ITGA2: variants seen among roughly 807,000 people sequenced by gnomAD.
The protein encoded by ITGA2 is integrin alpha-2.
Under a neutral mutation model 146.3 loss-of-function variants are expected in ITGA2, and 101 were observed. The ratio of observed to expected loss-of-function variants is 0.69; its 90% confidence interval spans 0.59 to 0.81. The LOEUF (loss-of-function observed/expected upper bound fraction) is 0.81, where lower values mean the gene tolerates loss of function less well. Ranked by LOEUF, ITGA2 falls within the 40% of genes least tolerant of loss-of-function variation. ITGA2 has a pLI of 0.00. For synonymous variants in ITGA2, 477 were observed against 487.1 expected (o/e 0.98, Z 0.27); for missense variants, 1,281 against 1,402.7 (o/e 0.91, Z 1.39).
chr5:53,094,656 CATATCCAAGT>C lies in ITGA2; in HGVS notation c.*4061_*4070del, dbSNP rs1274883754. 1 of 152,150 alleles carries C rather than the reference CATATCCAAGT, an allele frequency of 6.6e-6. No individual in the cohort carries two copies. Among genetic ancestry groups the C allele is most frequent in the East Asian group, 1.9e-4 (1 of 5,204 alleles). The allele number at this position is 152,150 out of a possible 1,614,324, so 9.4% of individuals were successfully genotyped here. A position where few individuals can be genotyped will look rare whatever the true frequency, so the allele number is the denominator to read the frequency against. Reference sequence around the variant, plus strand: ...GTAGTCAACAGTTAGTAGTTTTTCTCATATCCAAGTATAACAAACAGAAAAGTTTCATTAT... The same window carrying C: ...GTAGTCAACAGTTAGTAGTTTTTCTCATAACAAACAGAAAAGTTTCATTAT... On this transcript the variant is annotated 3_prime_UTR_variant, in exon 30 of 30. Transcript: ENST00000296585.
At chr5:53,067,436 A>G (rs1032478670) in intron 16 of ITGA2, among the ~76,000 whole-genome samples, 179 bp downstream of exon 16, 1 of 151,868 alleles carries the variant, frequency 6.6e-6, no homozygotes, top group African/African-American at 2.4e-5. Flanking sequence ...ATTTGTTTAG[A>G]TCTTCCTTCC....
intron 2 of ITGA2, among the ~76,000 whole-genome samples, chr5:53,030,770 T>C (rs964202531): frequency 2.0e-5 from 3 of 152,270 alleles, no homozygotes; most frequent in Admixed American, 1.3e-4. Context: ...TTGAATAATA[T>C]AGAAGACATC....
Position 53,073,362 on chromosome 5 carries a change from A to G in ITGA2, c.2571+103A>G, listed in dbSNP as rs538613209. On this transcript the variant is annotated intron_variant, in intron 20 of 29. Coordinates refer to ENST00000296585, the MANE Select transcript of ITGA2 (RefSeq NM_002203.4). ...TGTTTAAAGAAGCACCTTAACCCTC[A>G]ACATGATCAATCTGAACTTTGTGGC... 93 of 1,244,384 alleles carry G rather than the reference A, an allele frequency of 7.5e-5. No homozygotes were observed. The African/African-American group carries it at 1.1e-3, about 15-fold the overall frequency. 77.1% of individuals were successfully genotyped at this position (1,244,384 alleles called of 1,614,324 possible).
At chr5:53,072,875 A>G (rs1302855412) in intron 19 of ITGA2, among the ~76,000 whole-genome samples, 180 bp downstream of exon 19, 3 of 151,866 alleles carry the variant, frequency 2.0e-5, no homozygotes, top group African/African-American at 7.2e-5. Context: ...TAAGAAATAT[A>G]AAATTATCTG....
At chr5:53,083,516 A>C (rs1390198062) in intron 27 of ITGA2, 63 bp downstream of exon 27, 1 of 1,010,946 alleles carries the variant, frequency 9.9e-7, no homozygotes, top group Non-Finnish European at 1.6e-6. Context: ...TGCACTGACA[A>C]GTTCTTCCCC....
chr5:53,039,285 A>T (rs947141838), intron 2 of ITGA2, among the ~76,000 whole-genome samples: 16 of 150,034 alleles, frequency 1.1e-4, no homozygotes, highest in East Asian at 3.9e-4. Context: ...CTCTACATTT[A>T]CTCCATAGTA....
Position 53,067,118 on chromosome 5 carries a change from G to T in ITGA2, c.1944G>T (p.Trp648Cys). ...IGAFGQVVQL[W>C]SQSIADVAIE... ...ATCTGTTACTCTTTATGTCTTTTAG[G>T]TCACAAAGTATTGCTGATGTAGCTA... The change falls in exon 16 of 30, where the codon TGG (tryptophan) becomes TGT (cysteine). Residue 648 changes from tryptophan (W) to cysteine (C), a missense_variant and splice_region_variant. Trp to Cys is a radical substitution (Grantham distance 215, BLOSUM62 -2). Transcript: ENST00000296585. The T allele has an allele frequency of 6.2e-7, 1 of 1,609,996 alleles. No homozygotes were observed. The highest frequency in any genetic ancestry group is 8.5e-7 in the Non-Finnish European group (1 of 1,178,212).
intron 24 of ITGA2, among the ~76,000 whole-genome samples, chr5:53,080,100 C>T (rs1745843989): frequency 6.6e-6 from 1 of 152,180 alleles, no homozygotes; most frequent in Admixed American, 6.5e-5. Flanking sequence ...AACACTCCGG[C>T]AGCCCAGCTC....
intron 1 of ITGA2, among the ~76,000 whole-genome samples, chr5:53,025,611 G>A (rs1206476370): frequency 2.0e-5 from 3 of 152,186 alleles, no homozygotes; most frequent in African/African-American, 7.2e-5. Context: ...CGCAATGGAA[G>A]AGCAAGCCTT....
chr5:53,038,710 C>T lies in ITGA2; in HGVS notation c.186-3402C>T, dbSNP rs74948770. On this transcript the variant is annotated intron_variant, in intron 2 of 29. Coordinates refer to ENST00000296585, the MANE Select transcript of ITGA2 (RefSeq NM_002203.4). ...AACCTGGGCTTCCGCACTTGGTTTT[C>T]ACTAGCCATGGGAACATGAGCAAGT... Among the ~76,000 whole-genome samples, 18 of 152,272 alleles carry T rather than the reference C, an allele frequency of 1.2e-4. No individual in the cohort carries two copies. The East Asian group carries it at 3.3e-3, about 28-fold the overall frequency.
chr5:53,070,051 T>C, intron 16 of ITGA2, 58 bp from the exon 17 acceptor site: 1 of 1,405,020 alleles, frequency 7.1e-7, no homozygotes, highest in South Asian at 1.2e-5. Flanking sequence ...AAAGCAAAGA[T>C]GCTTTTTCCT....
In ITGA2 at chr5:53,004,894, G is replaced by GTTTT. The variant is rs548541753; in HGVS notation, c.64+15398_64+15401dup. ...TACAACTTCTAAGTTTAGTTGCTTT[G>GTTTT]TTTTTTTTTTTTTTTTTTTTTTTTT... On this transcript the variant is annotated intron_variant, in intron 1 of 29. Transcript: ENST00000296585. Among the ~76,000 whole-genome samples, 25 of 55,940 alleles carry GTTTT rather than the reference G, an allele frequency of 4.5e-4. 1 individual carries two copies. The highest frequency in any genetic ancestry group is 8.3e-4 in the African/African-American group (9 of 10,804). The allele number at this position is 55,940 out of a possible 152,430, so 36.7% of individuals were successfully genotyped here.
intron 17 of ITGA2, 99 bp downstream of exon 17, chr5:53,070,359 C>T: frequency 8.8e-7 from 1 of 1,131,436 alleles, no homozygotes; most frequent in African/African-American, 1.5e-5. Context: ...AAAATGCTCA[C>T]CCTTCCAATG....
In ITGA2 at chr5:53,049,837, C is replaced by T. The variant is rs76300025; in HGVS notation, c.630+1067C>T. ...TTGCATCTTATACTCTAATGTCCAA[C>T]ATCTAATACAAATTGTTGACATATT... On this transcript the variant is annotated intron_variant, in intron 6 of 29. Transcript: ENST00000296585. 1.0e-3 allele frequency among the ~76,000 whole-genome samples: 153 copies of T among 151,102 alleles called. 4 individuals carry two copies. In the East Asian group the frequency reaches 0.025, roughly 24 times the overall value.
intron 23 of ITGA2, among the ~76,000 whole-genome samples, chr5:53,078,229 C>T (rs960006582): frequency 3.9e-5 from 6 of 152,080 alleles, no homozygotes; most frequent in Admixed American, 1.3e-4. Flanking sequence ...CAGATTTGAC[C>T]AACCTCATTC....
intron 1 of ITGA2, among the ~76,000 whole-genome samples, chr5:53,025,074 C>CA (rs2111807777): frequency 6.6e-6 from 1 of 152,266 alleles, no homozygotes; most frequent in Non-Finnish European, 1.5e-5. Flanking sequence ...GTTTTATGTA[C>CA]AGTCACGTGT....
chr5:53,066,016 T>C, intron 15 of ITGA2, 39 bp downstream of exon 15: 1 of 1,595,188 alleles, frequency 6.3e-7, no homozygotes, highest in Non-Finnish European at 8.6e-7. Context: ...AACTAAAAAT[T>C]ACCTGCTAAG....
intron 1 of ITGA2, among the ~76,000 whole-genome samples, chr5:53,023,523 T>C (rs1742786203): frequency 6.6e-6 from 1 of 152,208 alleles, no homozygotes; most frequent in African/African-American, 2.4e-5. Context: ...AAAATTACCA[T>C]AATGGAAATG....
At chr5:53,058,473 G>T (rs141016939) in intron 10 of ITGA2, among the ~76,000 whole-genome samples, 25 of 151,940 alleles carry the variant, frequency 1.6e-4, no homozygotes, top group Non-Finnish European at 2.9e-4. Context: ...CGTCATGGTC[G>T]AATTCTGAAT....
Sources: allele counts gnomAD v4.1 joint callset (sites outside exome capture counted in the v4.1 genomes callset), GRCh38; gene constraint gnomAD v4.1.1; transcripts MANE v1.5; gene names NCBI Gene and HGNC (gene_info 2026-07-23, HGNC 2026-07-21).